Variants in NUDCD3 observed in about 807,000 individuals in gnomAD.
NUDCD3 encodes the protein nudC domain-containing protein 3.
In NUDCD3, 13 loss-of-function variants were observed where a neutral mutation model predicts 39.7. The ratio of observed to expected loss-of-function variants is 0.33; its 90% CI spans 0.21 to 0.52. The LOEUF is 0.52. NUDCD3 is among the 20% of genes least tolerant of loss of function. The pLI is 0.96. For missense variants in NUDCD3, 453 were observed against 458.1 expected (o/e 0.99, Z 0.10); for synonymous variants, 175 against 172.4 (o/e 1.02, Z -0.12).
intron 3 of NUDCD3, among the ~76,000 whole-genome samples, chr7:44,418,688 A>T (rs972992776): frequency 2.0e-5 from 3 of 152,238 alleles, no homozygotes; most frequent in Non-Finnish European, 2.9e-5. Context: ...AGACCAACGC[A>T]GAAGGTGGGT....
At chr7:44,476,802 CAT>C (rs1470683410) in intron 2 of NUDCD3, among the ~76,000 whole-genome samples, 1 of 152,116 alleles carries the variant, frequency 6.6e-6, no homozygotes, top group Non-Finnish European at 1.5e-5. Context: ...CACAGCCAGC[CAT>C]AAAGGAATAA....
chr7:44,411,264 C>CAA (rs896341740), intron 3 of NUDCD3, among the ~76,000 whole-genome samples: 1 of 130,646 alleles, frequency 7.7e-6, no homozygotes, highest in South Asian at 2.4e-4. Context: ...GCAGCCAAAG[C>CAA]AAAAAAAAAA....
Position 44,380,197 on chromosome 7 carries a change from A to G in NUDCD3, c.*5814T>C, listed in dbSNP as rs553361529. On this transcript the variant is annotated 3_prime_UTR_variant, in exon 6 of 6. Coordinates refer to ENST00000355451, the MANE Select transcript of NUDCD3 (RefSeq NM_015332.4). The stretch of plus-strand genomic sequence containing the variant: ...GGACAAGCTGTGGACCTAACAGGTG[A>G]CCACTGTCCAGACAAGGCCTATTCT... The G allele has an allele frequency of 6.6e-6, 1 of 152,374 alleles. No homozygotes were observed. Among genetic ancestry groups the G allele is most frequent in the Admixed American group, 6.5e-5 (1 of 15,304 alleles). 9.4% of individuals were successfully genotyped at this position (152,374 alleles called of 1,614,324 possible).
intron 4 of NUDCD3, among the ~76,000 whole-genome samples, chr7:44,400,564 G>A (rs773070968): frequency 3.9e-5 from 6 of 152,196 alleles, no homozygotes; most frequent in Admixed American, 1.3e-4. Context: ...GTCTGGGGCT[G>A]CCCTAACAGG....
chr7:44,418,371 T>C (rs1799070477), intron 3 of NUDCD3, among the ~76,000 whole-genome samples: 1 of 152,192 alleles, frequency 6.6e-6, no homozygotes, highest in South Asian at 2.1e-4. Context: ...GCACCACTTG[T>C]ATGTATAGAG....
chr7:44,379,385 G>GT lies in NUDCD3; in HGVS notation c.*6625dup. On this transcript the variant is annotated 3_prime_UTR_variant, in exon 6 of 6. Coordinates refer to ENST00000355451, the MANE Select transcript of NUDCD3 (RefSeq NM_015332.4). Reference sequence around the variant, plus strand: ...GAGGCAGTTGGCGGGGCGGGGCGGGGTGGGGGGGAACAGGGGACAGGGGTG... The same window carrying GT: ...GAGGCAGTTGGCGGGGCGGGGCGGGGTTGGGGGGGAACAGGGGACAGGGGTG... 6.6e-6 allele frequency: 1 copy of GT among 151,174 alleles called. No individual in the cohort carries two copies. The highest frequency in any genetic ancestry group is 1.9e-4 in the East Asian group (1 of 5,138). 9.4% of individuals were successfully genotyped at this position (151,174 alleles called of 1,614,324 possible).
chr7:44,466,270 C>A (rs1252493083), intron 2 of NUDCD3, among the ~76,000 whole-genome samples: 3 of 152,192 alleles, frequency 2.0e-5, no homozygotes, highest in Admixed American at 1.3e-4. Context: ...ACACAAAAAG[C>A]CTCTCAAGAG....
chr7:44,408,357 T>C (rs1312558616), intron 3 of NUDCD3, among the ~76,000 whole-genome samples: 1 of 151,538 alleles, frequency 6.6e-6, no homozygotes, highest in Non-Finnish European at 1.5e-5. Context: ...ATACCAGGAG[T>C]GTAGCTATAC....
intron 3 of NUDCD3, among the ~76,000 whole-genome samples, chr7:44,420,304 A>G (rs966477616): frequency 6.6e-6 from 1 of 152,126 alleles, no homozygotes; most frequent in Admixed American, 6.5e-5. Context: ...TAGAGAAAAA[A>G]GAATGAAAAG....
chr7:44,451,666 C>A (rs1799796273), intron 2 of NUDCD3, among the ~76,000 whole-genome samples: 2 of 152,020 alleles, frequency 1.3e-5, no homozygotes, highest in Admixed American at 6.6e-5. Flanking sequence ...TCCGAAGAAA[C>A]TTCTGGGGGT....
intron 4 of NUDCD3, among the ~76,000 whole-genome samples, chr7:44,400,389 G>C (rs1798698957): frequency 6.6e-6 from 1 of 152,220 alleles, no homozygotes; most frequent in African/African-American, 2.4e-5. Flanking sequence ...CAGCTGGGAA[G>C]CGAAGGCCAT....
intron 3 of NUDCD3, among the ~76,000 whole-genome samples, chr7:44,410,519 C>G (rs753030886): frequency 5.3e-5 from 8 of 151,882 alleles, no homozygotes; most frequent in Non-Finnish European, 1.2e-4. Context: ...AAAAAATTAT[C>G]CGGGTGTGGT....
chr7:44,468,920 C>T (rs567614264), intron 2 of NUDCD3, among the ~76,000 whole-genome samples: 1 of 152,160 alleles, frequency 6.6e-6, no homozygotes, highest in East Asian at 1.9e-4. Context: ...TGAATACACA[C>T]TGACATACAC....
chr7:44,411,195 G>C (rs1798917295), intron 3 of NUDCD3, among the ~76,000 whole-genome samples: 1 of 151,968 alleles, frequency 6.6e-6, no homozygotes, highest in South Asian at 2.1e-4. Flanking sequence ...AAACCTAAAT[G>C]CAAGAGTTAA....
At chr7:44,462,787 A>G (rs1303828497) in intron 2 of NUDCD3, among the ~76,000 whole-genome samples, 1 of 152,158 alleles carries the variant, frequency 6.6e-6, no homozygotes, top group African/African-American at 2.4e-5. Flanking sequence ...TAAAAACCCA[A>G]ATAATTTTTT....
At chr7:44,454,985 T>C (rs1326266988) in intron 2 of NUDCD3, among the ~76,000 whole-genome samples, 1 of 151,910 alleles carries the variant, frequency 6.6e-6, no homozygotes, top group Non-Finnish European at 1.5e-5. Context: ...TTTTAAATCT[T>C]TGATTTGGAA....
intron 2 of NUDCD3, among the ~76,000 whole-genome samples, chr7:44,462,893 C>T (rs983733702): frequency 6.6e-6 from 1 of 151,906 alleles, no homozygotes; most frequent in African/African-American, 2.4e-5. Context: ...ATACTCATCA[C>T]CAAAGCAACA....
chr7:44,388,959 G>A (rs542979237), intron 5 of NUDCD3, among the ~76,000 whole-genome samples: 15 of 152,342 alleles, frequency 9.8e-5, no homozygotes, highest in Admixed American at 3.9e-4. Context: ...TCCTAACTGG[G>A]TCGCTGCCCA....
At chr7:44,415,609 C>T (rs950437448) in intron 3 of NUDCD3, among the ~76,000 whole-genome samples, 5 of 152,320 alleles carry the variant, frequency 3.3e-5, no homozygotes, top group African/African-American at 9.6e-5. Context: ...CAAGTGTGAA[C>T]TCATCATACC....
Sources: allele counts gnomAD v4.1 joint callset (sites outside exome capture counted in the v4.1 genomes callset), GRCh38; gene constraint gnomAD v4.1.1; transcripts MANE v1.5; gene names NCBI Gene and HGNC (gene_info 2026-07-23, HGNC 2026-07-21).